The following SBF2 variants were observed in gnomAD, a reference collection of about 807,000 sequenced individuals.
SBF2 encodes myotubularin-related protein 13.
Under a neutral mutation model 225.2 loss-of-function variants are expected in SBF2, and 112 were observed. That is an observed-to-expected ratio of 0.50 (90% confidence interval 0.43 to 0.58). SBF2 has a LOEUF of 0.58. SBF2 is among the 20% of genes least tolerant of loss of function. The pLI is 0.00. For missense variants in SBF2, 1,996 were observed against 2,206.2 expected (o/e 0.90, Z 1.91); for synonymous variants, 763 against 773.3 (o/e 0.99, Z 0.22).
intron 17 of SBF2, among the ~76,000 whole-genome samples, chr11:9,863,578 C>G (rs1438637455): frequency 6.6e-6 from 1 of 152,130 alleles, no homozygotes; most frequent in Non-Finnish European, 1.5e-5. Flanking sequence ...CTGACCAAGT[C>G]CAGATATTAA....
chr11:9,908,986 C>A (rs1006944684), intron 16 of SBF2, among the ~76,000 whole-genome samples: 3 of 151,960 alleles, frequency 2.0e-5, no homozygotes, highest in Non-Finnish European at 4.4e-5. Context: ...TCATACCCAG[C>A]CTATTCTTTA....
At chr11:9,971,629 T>C (rs77367719) in intron 13 of SBF2, among the ~76,000 whole-genome samples, 4,344 of 152,124 alleles carry the variant, frequency 0.029, 300 homozygotes, top group East Asian at 0.18. Flanking sequence ...TGGTGAGCTG[T>C]GATTGCACCA....
Position 10,151,847 on chromosome 11 carries a change from T to G in SBF2, c.141+42055A>C, listed in dbSNP as rs145093286. Among the ~76,000 whole-genome samples, 1,354 of 152,350 alleles carry G rather than the reference T, an allele frequency of 8.9e-3. 13 individuals carry two copies. Among genetic ancestry groups the G allele is most frequent in the Middle Eastern group, 0.024 (7 of 294 alleles). On this transcript the variant is annotated intron_variant, in intron 2 of 39. Transcript: ENST00000256190. Reference sequence around the variant, plus strand: ...TGTCACTATGCATATGATTCCTATATCACCCATAATTTCATTTTCCAATGA... The same window carrying G: ...TGTCACTATGCATATGATTCCTATAGCACCCATAATTTCATTTTCCAATGA...
intron 3 of SBF2, among the ~76,000 whole-genome samples, chr11:10,034,576 C>T (rs1461519553): frequency 1.3e-5 from 2 of 152,152 alleles, no homozygotes; most frequent in East Asian, 3.9e-4. Flanking sequence ...AGAACTGTTG[C>T]ATCCAACATC....
chr11:9,925,749 A>T (rs1220032018), intron 16 of SBF2, among the ~76,000 whole-genome samples: 1 of 152,246 alleles, frequency 6.6e-6, no homozygotes, highest in Non-Finnish European at 1.5e-5. Context: ...CCCTTAAAAT[A>T]TAGGTCTTAT....
Position 10,002,559 on chromosome 11 carries a change from A to G in SBF2, c.750T>C (p.Tyr250=), listed in dbSNP as rs1948015269. Reference sequence around the variant, plus strand: ...AAATTAACAAATGAAAACCTCACCTATATTTAAGAGGAAACATTAAAGATT... The same window carrying G: ...AAATTAACAAATGAAAACCTCACCTGTATTTAAGAGGAAACATTAAAGATT... ...ALESLMFPLK[Y]SYPYIPILPA... Residue 250 remains tyrosine, a splice_region_variant and synonymous_variant, in exon 7 of 40, where the codon TAT becomes TAC. Coordinates refer to ENST00000256190, the MANE Select transcript of SBF2 (RefSeq NM_030962.4). 1 of 1,610,138 alleles carries G rather than the reference A, an allele frequency of 6.2e-7. No individual in the cohort carries two copies. The highest frequency in any genetic ancestry group is 8.5e-7 in the Non-Finnish European group (1 of 1,176,602).
intron 6 of SBF2, among the ~76,000 whole-genome samples, chr11:10,004,966 G>C (rs1424698624): frequency 2.0e-5 from 3 of 152,142 alleles, no homozygotes; most frequent in Non-Finnish European, 4.4e-5. Flanking sequence ...ACAGCAGGTA[G>C]CTAGCCAGAC....
At chr11:10,155,414 GC>G (rs1295469654) in intron 2 of SBF2, among the ~76,000 whole-genome samples, 1 of 152,080 alleles carries the variant, frequency 6.6e-6, no homozygotes, top group African/African-American at 2.4e-5. Flanking sequence ...TAAGTATGAG[GC>G]CTCCCTGGTT....
intron 2 of SBF2, among the ~76,000 whole-genome samples, chr11:10,070,732 T>C (rs1412296685): frequency 2.0e-5 from 3 of 152,240 alleles, no homozygotes; most frequent in Non-Finnish European, 4.4e-5. Flanking sequence ...TGGAATTGAA[T>C]CTATAGATTA....
chr11:10,086,575 T>C (rs552794215), intron 2 of SBF2, among the ~76,000 whole-genome samples: 1 of 152,330 alleles, frequency 6.6e-6, no homozygotes, highest in East Asian at 1.9e-4. Context: ...GGAGAATTAT[T>C]AGCCCAGAAG....
chr11:10,009,463 T>C (rs1248606789), intron 6 of SBF2, among the ~76,000 whole-genome samples: 1 of 150,072 alleles, frequency 6.7e-6, no homozygotes, highest in Non-Finnish European at 1.5e-5. Flanking sequence ...CCTGTGTCCA[T>C]GTGTTCTCAT....
chr11:10,052,169 A>AG (rs1950089118), intron 2 of SBF2, among the ~76,000 whole-genome samples: 1 of 149,732 alleles, frequency 6.7e-6, no homozygotes, highest in Non-Finnish European at 1.5e-5. Context: ...AAAAAAAAAA[A>AG]GCTATCACAG....
At chr11:9,815,285 A>G (rs1854396589) in intron 29 of SBF2, among the ~76,000 whole-genome samples, 3 of 144,150 alleles carry the variant, frequency 2.1e-5, no homozygotes, top group South Asian at 2.2e-4. Flanking sequence ...TAAAACTAAA[A>G]AAAAAAAAAA....
intron 16 of SBF2, among the ~76,000 whole-genome samples, chr11:9,903,360 G>T (rs1181637555): frequency 6.6e-6 from 1 of 151,742 alleles, no homozygotes. Context: ...ATCAGAAAAA[G>T]AAAAAAAATA....
At chr11:9,829,292 C>A (rs535709324) in intron 28 of SBF2, 64 bp downstream of exon 28, 4 of 1,537,226 alleles carry the variant, frequency 2.6e-6, no homozygotes, top group East Asian at 2.2e-5. Context: ...GTACAAATAA[C>A]CCTAGGAACA....
Position 10,294,155 on chromosome 11 carries a change from TC to T in SBF2, c.-87del. ...CCCGGCCCGGGAGGGCTCAGCATTT[TC>T]CCTGCAGCGGCAGTAGCGGCAGCGG... On this transcript the variant is annotated 5_prime_UTR_variant, in exon 1 of 40. The change abolishes the stop of an existing upstream ORF in the 5' untranslated region. Coordinates refer to ENST00000256190, the MANE Select transcript of SBF2 (RefSeq NM_030962.4). 9.7e-7 allele frequency: 1 copy of T among 1,034,746 alleles called. No individual in the cohort carries two copies. The highest frequency in any genetic ancestry group is 1.3e-6 in the Non-Finnish European group (1 of 798,468). The allele number at this position is 1,034,746 out of a possible 1,614,324, so 64.1% of individuals were successfully genotyped here.
chr11:9,863,796 G>A (rs888603057), intron 17 of SBF2, among the ~76,000 whole-genome samples: 3 of 147,872 alleles, frequency 2.0e-5, no homozygotes, highest in Non-Finnish European at 4.5e-5. Context: ...ATACATACAA[G>A]TCCACTGTAT....
At chr11:9,866,312 A>C (rs1858216785) in intron 17 of SBF2, among the ~76,000 whole-genome samples, 1 of 152,218 alleles carries the variant, frequency 6.6e-6, no homozygotes, top group Non-Finnish European at 1.5e-5. Context: ...GCATCACACT[A>C]TCTGACTTCA....
chr11:9,905,397 T>C (rs1231391245), intron 16 of SBF2, among the ~76,000 whole-genome samples: 1 of 152,246 alleles, frequency 6.6e-6, no homozygotes, highest in Non-Finnish European at 1.5e-5. Flanking sequence ...TACTAGGTCT[T>C]GGATTTCCAG....
Sources: allele counts gnomAD v4.1 joint callset (sites outside exome capture counted in the v4.1 genomes callset), GRCh38; gene constraint gnomAD v4.1.1; transcripts MANE v1.5; gene names NCBI Gene and HGNC (gene_info 2026-07-23, HGNC 2026-07-21).